RABGAP1: variants seen among roughly 807,000 people sequenced by gnomAD.
RABGAP1 encodes rab GTPase-activating protein 1.
A neutral mutation model predicts 137.6 loss-of-function variants in RABGAP1; 23 were observed. The observed-to-expected ratio is 0.17, with a 90% CI of 0.12 to 0.24. The LOEUF (loss-of-function observed/expected upper bound fraction) is 0.24, where lower values mean the gene tolerates loss of function less well. RABGAP1 is among the 10% of genes least tolerant of loss of function. The pLI is 1.00. For synonymous variants in RABGAP1, 451 were observed against 450.7 expected, an observed-to-expected ratio of 1.00 and a Z score of -0.01; for missense variants, 906 against 1,275.8, an observed-to-expected ratio of 0.71 and a Z score of 4.42.
chr9:123,059,359 CCTGA>C (rs942062226), intron 13 of RABGAP1, among the ~76,000 whole-genome samples: 7 of 152,144 alleles, frequency 4.6e-5, no homozygotes, highest in African/African-American at 1.4e-4. Flanking sequence ...TCGAGACCAT[CCTGA>C]CTAACACAGT....
At chr9:123,088,522 C>T (rs1031646419) in intron 19 of RABGAP1, among the ~76,000 whole-genome samples, 1 of 152,026 alleles carries the variant, frequency 6.6e-6, no homozygotes, top group African/African-American at 2.4e-5. Flanking sequence ...AAACTCCATC[C>T]CTACAAAAAA....
At chr9:122,934,185 C>T in the RABGAP1 span, among the ~76,000 whole-genome samples, 27 of 151,634 alleles carry the variant, frequency 1.8e-4, no homozygotes, top group African/African-American at 5.6e-4. Flanking sequence ...TCACGCCATT[C>T]TCCTGCCTCA....
intron 10 of RABGAP1, among the ~76,000 whole-genome samples, chr9:123,005,053 T>G (rs970564354): frequency 4.9e-5 from 1 of 20,236 alleles, no homozygotes; most frequent in African/African-American, 1.4e-4. Flanking sequence ...TGAAACTCCA[T>G]CTCAAAAAAA....
chr9:123,055,499 T>G (rs940497638), intron 13 of RABGAP1, among the ~76,000 whole-genome samples: 1 of 151,830 alleles, frequency 6.6e-6, no homozygotes, highest in African/African-American at 2.4e-5. Context: ...CCTAAAGTGC[T>G]GGAATTACAG....
chr9:122,986,319 G>C lies in RABGAP1; in HGVS notation c.490G>C (p.Glu164Gln). ...TGCCTCGGTAAATGCTCCCAGGAGT[G>C]AAGTGGAAGCCTTAAGGATGATGTC... ...GCASVNAPRS[E>Q]VEALRMMSIL... is the part of the protein sequence containing the mutation. Residue 164 changes from glutamate to glutamine, a missense_variant, in exon 4 of 26, where the codon GAA becomes CAA. Transcript: ENST00000373647. 2 of 1,614,136 alleles carry C rather than the reference G, an allele frequency of 1.2e-6. No homozygotes were observed. Among genetic ancestry groups the C allele is most frequent in the Non-Finnish European group, 1.7e-6 (2 of 1,179,992 alleles).
intron 13 of RABGAP1, among the ~76,000 whole-genome samples, chr9:123,022,641 A>G (rs1009214660): frequency 6.6e-6 from 1 of 152,016 alleles, no homozygotes; most frequent in Admixed American, 6.5e-5. Context: ...TCCTGACCTC[A>G]TGATCCGCCC....
chr9:123,046,467 G>C (rs1049691723), intron 13 of RABGAP1, among the ~76,000 whole-genome samples: 5 of 152,206 alleles, frequency 3.3e-5, no homozygotes, highest in Non-Finnish European at 7.4e-5. Context: ...GTATGTGCTT[G>C]AGAGGCAGAC....
chr9:122,955,154 G>C (rs1588162943), intron 1 of RABGAP1, among the ~76,000 whole-genome samples: 1 of 152,304 alleles, frequency 6.6e-6, no homozygotes, highest in Middle Eastern at 3.4e-3. Flanking sequence ...AGAGAATCCT[G>C]TGAGGGCAAA....
At chr9:122,953,288 A>C (rs909078945) in intron 1 of RABGAP1, among the ~76,000 whole-genome samples, 1 of 152,154 alleles carries the variant, frequency 6.6e-6, no homozygotes, top group Non-Finnish European at 1.5e-5. Context: ...TAAATGTTTT[A>C]TGTATAGTCC....
Position 123,045,067 on chromosome 9 carries a change from C to T in RABGAP1, c.1795-20281C>T, listed in dbSNP as rs2033147912. ...AGTTACTTAATGAAAGATTTGTTGG[C>T]TTGTTACAAAACGACTGAATTAGCT... On this transcript the variant is annotated intron_variant, in intron 13 of 25. Coordinates refer to ENST00000373647, the MANE Select transcript of RABGAP1 (RefSeq NM_012197.4). 2.0e-5 allele frequency among the ~76,000 whole-genome samples: 3 copies of T among 152,300 alleles called. 1 individual carries two copies. Among genetic ancestry groups the T allele is most frequent in the Admixed American group, 2.0e-4 (3 of 15,296 alleles).
At chr9:123,077,688 T>TGTATC (rs2034564765) in intron 19 of RABGAP1, among the ~76,000 whole-genome samples, 1 of 148,790 alleles carries the variant, frequency 6.7e-6, no homozygotes, top group South Asian at 2.1e-4. Context: ...TGTATTGTAT[T>TGTATC]GTATTTATTT....
chr9:122,943,585 A>T (rs1833744850), intron 1 of RABGAP1, among the ~76,000 whole-genome samples: 1 of 152,162 alleles, frequency 6.6e-6, no homozygotes, highest in Non-Finnish European at 1.5e-5. Flanking sequence ...GAACTGTATT[A>T]TGCACTTTAT....
chr9:122,940,249 CT>C (rs1264558848), upstream of RABGAP1: 2 of 152,174 alleles, frequency 1.3e-5, no homozygotes, highest in East Asian at 3.9e-4. Context: ...AGGACAGGGA[CT>C]TTAAACTTCA....
intron 15 of RABGAP1, among the ~76,000 whole-genome samples, chr9:123,072,788 G>A (rs140880732): frequency 6.6e-6 from 1 of 152,096 alleles, no homozygotes; most frequent in Admixed American, 6.6e-5. Context: ...TGCTCAGCCC[G>A]CCTCCATCAT....
intron 13 of RABGAP1, among the ~76,000 whole-genome samples, chr9:123,043,783 T>A (rs2033069599): frequency 6.6e-6 from 1 of 151,868 alleles, no homozygotes; most frequent in African/African-American, 2.4e-5. Context: ...CAAACAGCTT[T>A]AAAAAAAGGA....
chr9:123,091,222 C>T (rs1206452456), intron 21 of RABGAP1, among the ~76,000 whole-genome samples: 2 of 152,140 alleles, frequency 1.3e-5, no homozygotes, highest in Non-Finnish European at 1.5e-5. Context: ...CCTTTCTACT[C>T]ATTGGTTTCC....
chr9:123,068,362 A>G (rs956695627), intron 14 of RABGAP1, among the ~76,000 whole-genome samples: 6 of 151,506 alleles, frequency 4.0e-5, no homozygotes, highest in Admixed American at 2.0e-4. Context: ...AAAAAAAAAA[A>G]AAAAGAAAAA....
At chr9:123,005,671 A>G (rs1305239236) in intron 10 of RABGAP1, among the ~76,000 whole-genome samples, 1 of 152,176 alleles carries the variant, frequency 6.6e-6, no homozygotes, top group Admixed American at 6.5e-5. Flanking sequence ...ATTGATGGAC[A>G]CTTGGACTGG....
rs560545113 is a variant in RABGAP1 at position 122,941,041 on chromosome 9, G to C, written c.-102G>C. On this transcript the variant is annotated 5_prime_UTR_variant, in exon 1 of 26. Coordinates refer to ENST00000373647, the MANE Select transcript of RABGAP1 (RefSeq NM_012197.4). ...GGGCGGTTTGGGAGGCCCAGGCGGC[G>C]GAGCCTCCGGGACGGCGAGCGGCGG... 1 of 152,872 alleles carries C rather than the reference G, an allele frequency of 6.5e-6. No individual in the cohort carries two copies. Among genetic ancestry groups the C allele is most frequent in the African/African-American group, 2.4e-5 (1 of 41,432 alleles). The allele number at this position is 152,872 out of a possible 1,614,324, so 9.5% of individuals were successfully genotyped here.
Sources: allele counts gnomAD v4.1 joint callset (sites outside exome capture counted in the v4.1 genomes callset), GRCh38; gene constraint gnomAD v4.1.1; transcripts MANE v1.5; gene names NCBI Gene and HGNC (gene_info 2026-07-23, HGNC 2026-07-21).